CNOT1: variants seen among roughly 807,000 people sequenced by gnomAD.
CNOT1 encodes the protein CCR4-associated factor 1.
Under a neutral mutation model 273.8 loss-of-function variants are expected in CNOT1, and 15 were observed. The observed-to-expected ratio is 0.05, with a 90% CI of 0.04 to 0.08. CNOT1 has a LOEUF of 0.08. Among genes scored for constraint, CNOT1 ranks in the 10% least tolerant of loss-of-function variants. The pLI is 1.00. For synonymous variants in CNOT1, 1,022 were observed against 1,005.5 expected (o/e 1.02, Z -0.31); for missense variants, 1,644 against 2,912.2 (o/e 0.56, Z 10.02).
rs922849659 is a variant in CNOT1 at position 58,576,965 on chromosome 16, G to A, written c.1585-383C>T. Among the ~76,000 whole-genome samples, 6 of 152,254 alleles carry A rather than the reference G, an allele frequency of 3.9e-5. No individual in the cohort carries two copies. In the South Asian group the frequency reaches 1.2e-3, roughly 32 times the overall value. Reference sequence around the variant, plus strand: ...TATAAATAAAAACAAAACAATTTAAGGTAACTATTTCTGATGTTGCACAGT... The same window carrying A: ...TATAAATAAAAACAAAACAATTTAAAGTAACTATTTCTGATGTTGCACAGT... On this transcript the variant is annotated intron_variant, in intron 13 of 48. Transcript: ENST00000317147.
intron 8 of CNOT1, among the ~76,000 whole-genome samples, chr16:58,583,546 T>C (rs941862354): frequency 1.2e-4 from 19 of 152,120 alleles, no homozygotes; most frequent in Admixed American, 2.0e-4. Flanking sequence ...TTAGAAATCA[T>C]CCACACAGCA....
At chr16:58,545,338 A>C in intron 30 of CNOT1, 23 bp downstream of exon 30, 1 of 1,605,518 alleles carries the variant, frequency 6.2e-7, no homozygotes, top group Admixed American at 1.7e-5. Flanking sequence ...AGAAGCTGGG[A>C]GAATGGAGCA....
At position 58,534,369 on chromosome 16, in the gene CNOT1, G is replaced by A. The variant is rs139478303; in HGVS notation, c.5673C>T (p.Thr1891=). The change falls in exon 40 of 49, where the codon ACC becomes ACT. Residue 1891 remains threonine (T), a synonymous_variant. Coordinates refer to ENST00000317147, the MANE Select transcript of CNOT1 (RefSeq NM_016284.5). The stretch of plus-strand genomic sequence containing the variant: ...GAAAGAACCTTGTTATGAGATCATC[G>A]GTCTTCAGTATTCCTTGCTGGTGCA... ...GQMHQQGILK[T]DDLITRFFRL... 164 of 1,613,772 alleles carry A rather than the reference G, an allele frequency of 1.0e-4. No individual in the cohort carries two copies. The highest frequency in any genetic ancestry group is 1.3e-4 in the Non-Finnish European group (149 of 1,179,944).
chr16:58,523,303 AG>A (rs1331063489), intron 47 of CNOT1, 66 bp downstream of exon 47: 1 of 1,352,148 alleles, frequency 7.4e-7, no homozygotes, highest in African/African-American at 1.9e-5. Flanking sequence ...AAGCATAAAG[AG>A]GAAAAAAAAA....
chr16:58,607,864 T>C (rs1214943812), intron 1 of CNOT1, among the ~76,000 whole-genome samples: 5 of 151,880 alleles, frequency 3.3e-5, no homozygotes, highest in Non-Finnish European at 5.9e-5. Flanking sequence ...CGTAAATATA[T>C]TGCATGATTG....
At chr16:58,533,985 C>T (rs180881385) in intron 40 of CNOT1, among the ~76,000 whole-genome samples, 162 bp downstream of exon 40, 5 of 150,362 alleles carry the variant, frequency 3.3e-5, no homozygotes, top group African/African-American at 9.8e-5. Context: ...CTCCAGGAAT[C>T]GTGGCTCATG....
At chr16:58,565,097 T>C (rs1158006945) in intron 16 of CNOT1, among the ~76,000 whole-genome samples, 2 of 152,138 alleles carry the variant, frequency 1.3e-5, no homozygotes, top group Admixed American at 1.3e-4. Flanking sequence ...ATACCATGAA[T>C]TTATCCCTAA....
At position 58,596,404 on chromosome 16, in the gene CNOT1, G is replaced by A. The variant is rs150308254; in HGVS notation, c.102+2832C>T. On this transcript the variant is annotated intron_variant, in intron 2 of 48. Transcript: ENST00000317147. ...TATCTTTCTCTGTAGCATGAGAAATGTAAGTTTGAAAGGACAAAATTCTGC... is the reference window on the plus strand; with the variant it reads ...TATCTTTCTCTGTAGCATGAGAAATATAAGTTTGAAAGGACAAAATTCTGC... Among the ~76,000 whole-genome samples the A allele has an allele frequency of 7.9e-5, 12 of 152,262 alleles. No homozygotes were observed. In the East Asian group the frequency reaches 9.6e-4, roughly 12 times the overall value.
Position 58,586,590 on chromosome 16 carries a change from C to G in CNOT1, c.592G>C (p.Val198Leu). The change falls in exon 7 of 49, where the codon GTT (valine) becomes CTT (leucine). Residue 198 changes from valine to leucine, a missense_variant. By Grantham distance (32) the Val-to-Leu change is conservative. This residue lies in a region of CNOT1 where 706 missense variants were observed against 1,021.2 expected (regional missense o/e 0.69). Transcript: ENST00000317147. ...AAAGCGTCTATCTGTTCTTGTCCAA[C>G]TCCAAAGGCTCCCTTCTGCCCAAAG... Reference protein sequence around the residue: ...LLFGQKGAFGVGQEQIDAFLK... With the variant: ...LLFGQKGAFGLGQEQIDAFLK... 6.2e-7 allele frequency: 1 copy of G among 1,612,382 alleles called. No individual in the cohort carries two copies. Among genetic ancestry groups the G allele is most frequent in the Non-Finnish European group, 8.5e-7 (1 of 1,179,666 alleles).
intron 3 of CNOT1, among the ~76,000 whole-genome samples, 199 bp downstream of exon 3, chr16:58,588,600 G>A (rs1486040242): frequency 6.6e-6 from 1 of 151,976 alleles, no homozygotes. Context: ...CTCTAAACCT[G>A]AACTAGGTAG....
intron 47 of CNOT1, among the ~76,000 whole-genome samples, chr16:58,521,946 G>A (rs2039394633): frequency 6.6e-6 from 1 of 152,052 alleles, no homozygotes; most frequent in Non-Finnish European, 1.5e-5. Context: ...GTGAGACCCT[G>A]TCTCAAATAA....
intron 34 of CNOT1, among the ~76,000 whole-genome samples, chr16:58,541,240 C>G (rs941869126): frequency 6.6e-6 from 1 of 151,808 alleles, no homozygotes; most frequent in African/African-American, 2.4e-5. Context: ...AATAAAAAAC[C>G]GAAAGTTATT....
At chr16:58,591,079 G>A (rs2042035881) in intron 2 of CNOT1, among the ~76,000 whole-genome samples, 1 of 152,190 alleles carries the variant, frequency 6.6e-6, no homozygotes, top group African/African-American at 2.4e-5. Context: ...CCTGTGAGCT[G>A]AGACAACCAT....
At chr16:58,569,786 G>A (rs1293478824) in intron 16 of CNOT1, among the ~76,000 whole-genome samples, 2 of 151,914 alleles carry the variant, frequency 1.3e-5, no homozygotes, top group Non-Finnish European at 2.9e-5. Flanking sequence ...AAACATAATG[G>A]GAGTACAAGG....
chr16:58,575,290 A>G (rs1450109779), intron 14 of CNOT1, among the ~76,000 whole-genome samples, 161 bp from the exon 15 acceptor site: 1 of 152,214 alleles, frequency 6.6e-6, no homozygotes, highest in Non-Finnish European at 1.5e-5. Context: ...CAGGGGTAAC[A>G]TTAGTCATTA....
At chr16:58,597,187 T>C (rs1597555389) in intron 2 of CNOT1, among the ~76,000 whole-genome samples, 3 of 151,620 alleles carry the variant, frequency 2.0e-5, no homozygotes, top group African/African-American at 7.3e-5. Flanking sequence ...TGATGGCTCA[T>C]GCCTGTAATC....
At position 58,581,459 on chromosome 16, in the gene CNOT1, T is replaced by C; in HGVS notation, c.1101A>G (p.Gln367=). The C allele has an allele frequency of 6.2e-7, 1 of 1,614,104 alleles. No individual in the cohort carries two copies. The highest frequency in any genetic ancestry group is 8.5e-7 in the Non-Finnish European group (1 of 1,180,014). Residue 367 remains glutamine (Q), a synonymous_variant, in exon 11 of 49, where the codon CAA becomes CAG. Coordinates refer to ENST00000317147, the MANE Select transcript of CNOT1 (RefSeq NM_016284.5). ...TATGAAGTCCTTTACTGTCACGAATTTGAAATCCAGGATGGTCCAGTTCAT... is the reference window on the plus strand; with the variant it reads ...TATGAAGTCCTTTACTGTCACGAATCTGAAATCCAGGATGGTCCAGTTCAT... ...VTYELDHPGF[Q]IRDSKGLHNV...
At chr16:58,567,182 A>G (rs1001970683) in intron 16 of CNOT1, among the ~76,000 whole-genome samples, 11 of 152,104 alleles carry the variant, frequency 7.2e-5, no homozygotes, top group East Asian at 5.8e-4. Context: ...AAGAAAGAAA[A>G]AAAAAGGCTG....
chr16:58,552,223 A>C (rs1367975005), intron 22 of CNOT1, among the ~76,000 whole-genome samples: 4 of 152,056 alleles, frequency 2.6e-5, no homozygotes, highest in Non-Finnish European at 5.9e-5. Flanking sequence ...TATCACAATA[A>C]AGCTGTTATT....
Sources: allele counts gnomAD v4.1 joint callset (sites outside exome capture counted in the v4.1 genomes callset), GRCh38; gene constraint gnomAD v4.1.1; regional missense constraint gnomAD v4.1.1; transcripts MANE v1.5; gene names NCBI Gene and HGNC (gene_info 2026-07-23, HGNC 2026-07-21).